Variants in ZNF121 observed in about 807,000 individuals in gnomAD.
The protein encoded by ZNF121 is zinc finger protein 121 (clone ZHC32).
Under a neutral mutation model 2.4 loss-of-function variants are expected in ZNF121, and 1 was observed. The observed-to-expected ratio is 0.41, with a 90% CI of 0.15 to 1.94. ZNF121 has a LOEUF of 1.94. ZNF121 is among the 30% of genes most tolerant of loss of function. ZNF121 has a pLI of 0.30. For missense variants in ZNF121, 369 were observed against 466.3 expected, an observed-to-expected ratio of 0.79 and a Z score of 1.92; for synonymous variants, 173 against 158.6, an observed-to-expected ratio of 1.09 and a Z score of -0.68.
intron 1 of ZNF121, among the ~76,000 whole-genome samples, chr19:9,573,117 T>C (rs923249480): frequency 6.6e-6 from 1 of 152,202 alleles, no homozygotes; most frequent in Non-Finnish European, 1.5e-5. Context: ...CAGACACAGA[T>C]GTACATCCAC....
In ZNF121 at chr19:9,566,928, G is replaced by C. The variant is rs2074137673; in HGVS notation, c.185C>G (p.Ser62Cys). 6.2e-7 allele frequency: 1 copy of C among 1,614,182 alleles called. No individual in the cohort carries two copies. Among genetic ancestry groups the C allele is most frequent in the Non-Finnish European group, 8.5e-7 (1 of 1,180,024 alleles). The change falls in exon 4 of 4, where the codon TCT becomes TGT. Residue 62 changes from serine (S) to cysteine (C), a missense_variant. Around this residue, in one of 4 missense-constraint regions of ZNF121, gnomAD observed 168 missense variants for 162.3 expected, o/e 1.03. Coordinates refer to ENST00000320451, the MANE Select transcript of ZNF121 (RefSeq NM_001008727.5). ...GGCTTTTCTGCACTGATTCAACACA[G>C]AAAGTGTCTCTCCAGCAGGGGCACT... ...HNSAPAGETL[S>C]VLNQCRKAFS... is the part of the protein sequence containing the mutation.
Position 9,562,522 on chromosome 19 carries a change from T to C in ZNF121, c.*3418A>G. 5.2e-6 allele frequency: 1 copy of C among 191,462 alleles called. No individual in the cohort carries two copies. The highest frequency in any genetic ancestry group is 5.3e-5 in the Admixed American group (1 of 18,776). The allele number at this position is 191,462 out of a possible 1,614,324, so 11.9% of individuals were successfully genotyped here. ...TTTTGGGGTACCACAAACCACAACC[T>C]TCGAAGACAGCAAACTTAACAAATG... On this transcript the variant is annotated 3_prime_UTR_variant, in exon 4 of 4. Transcript: ENST00000320451.
chr19:9,582,721 C>T (rs1010660645), intron 1 of ZNF121, among the ~76,000 whole-genome samples: 3 of 150,044 alleles, frequency 2.0e-5, no homozygotes, highest in Non-Finnish European at 4.4e-5. Flanking sequence ...TGCACCCCGA[C>T]CCGGGTAGCA....
Position 9,560,963 on chromosome 19 carries a change from G to A in ZNF121, c.*4977C>T, listed in dbSNP as rs1334558846. ...TTGATTTTTAAAAAGAGTGGTATGAGTTATCAATTCTGAGAGTAGCTTATA... is the reference window on the plus strand; with the variant it reads ...TTGATTTTTAAAAAGAGTGGTATGAATTATCAATTCTGAGAGTAGCTTATA... On this transcript the variant is annotated 3_prime_UTR_variant, in exon 4 of 4. Coordinates refer to ENST00000320451, the MANE Select transcript of ZNF121 (RefSeq NM_001008727.5). 6.6e-6 allele frequency: 1 copy of A among 152,152 alleles called. No homozygotes were observed. The highest frequency in any genetic ancestry group is 2.4e-5 in the African/African-American group (1 of 41,428). The allele number at this position is 152,152 out of a possible 1,614,324, so 9.4% of individuals were successfully genotyped here. A position where few individuals can be genotyped will look rare whatever the true frequency, so the allele number is the denominator to read the frequency against.
At chr19:9,569,829 G>A (rs2074160212) in intron 1 of ZNF121, among the ~76,000 whole-genome samples, 1 of 146,724 alleles carries the variant, frequency 6.8e-6, no homozygotes, top group South Asian at 2.1e-4. Flanking sequence ...CACCACGCCT[G>A]GCCGAGATCT....
At position 9,568,164 on chromosome 19, in the gene ZNF121, T is replaced by A; in HGVS notation, c.-67A>T. 1 of 1,470,362 alleles carries A rather than the reference T, an allele frequency of 6.8e-7. No individual in the cohort carries two copies. Among genetic ancestry groups the A allele is most frequent in the Non-Finnish European group, 9.2e-7 (1 of 1,090,506 alleles). 91.1% of individuals were successfully genotyped at this position (1,470,362 alleles called of 1,614,324 possible). On this transcript the variant is annotated 5_prime_UTR_variant, in exon 3 of 4. The change abolishes the stop of an existing upstream ORF in the 5' untranslated region. Transcript: ENST00000320451. ...TGTTGAGGTGCTGACACTTTGGTTTTAACTTGCCATTCTGAAGTAAAACAG... is the reference window on the plus strand; with the variant it reads ...TGTTGAGGTGCTGACACTTTGGTTTAAACTTGCCATTCTGAAGTAAAACAG...
intron 3 of ZNF121, 28 bp from the exon 4 acceptor site, chr19:9,567,137 A>C (rs775247347): frequency 1.9e-5 from 30 of 1,553,512 alleles, no homozygotes; most frequent in Admixed American, 3.8e-5. Flanking sequence ...AATGATGATT[A>C]AAGGATTTTT....
intron 1 of ZNF121, among the ~76,000 whole-genome samples, chr19:9,570,900 G>A (rs961555931): frequency 7.2e-5 from 11 of 152,140 alleles, no homozygotes; most frequent in African/African-American, 1.7e-4. Context: ...GCTTTCAATC[G>A]AGATGAAGGG....
intron 1 of ZNF121, among the ~76,000 whole-genome samples, chr19:9,577,384 A>G (rs2074218350): frequency 6.6e-6 from 1 of 152,050 alleles, no homozygotes; most frequent in Non-Finnish European, 1.5e-5. Context: ...CGGGAGGCGG[A>G]GGTTGCCGTG....
At position 9,566,338 on chromosome 19, in the gene ZNF121, T is replaced by G. The variant is rs780980002; in HGVS notation, c.775A>C (p.Lys259Gln). Residue 259 changes from lysine to glutamine, a missense_variant, in exon 4 of 4, where the codon AAG becomes CAG. Physicochemically the swap from Lys to Gln is moderately conservative, Grantham distance 53. This residue lies in a region of ZNF121 where 127 missense variants were observed against 169.9 expected (regional missense o/e 0.75). Coordinates refer to ENST00000320451, the MANE Select transcript of ZNF121 (RefSeq NM_001008727.5). ...CTTCTGAAGGATTTTCCACATACCT[T>G]ACATTCAAAGGGCTTCTCCTCTGTG... Reference protein sequence around the residue: ...THTEEKPFECKVCGKSFRSSS... With the variant: ...THTEEKPFECQVCGKSFRSSS... 3 of 1,614,028 alleles carry G rather than the reference T, an allele frequency of 1.9e-6. No individual in the cohort carries two copies. In the East Asian group the frequency reaches 6.7e-5, roughly 36 times the overall value.
chr19:9,581,347 T>A (rs1366335973), intron 1 of ZNF121, among the ~76,000 whole-genome samples: 1 of 151,468 alleles, frequency 6.6e-6, no homozygotes, highest in Non-Finnish European at 1.5e-5. Flanking sequence ...GGTCGTACAA[T>A]CTAAACTAAT....
intron 1 of ZNF121, among the ~76,000 whole-genome samples, chr19:9,583,918 A>G (rs1022390944): frequency 1.3e-5 from 2 of 152,250 alleles, no homozygotes; most frequent in Non-Finnish European, 2.9e-5. Flanking sequence ...ATTTACATGC[A>G]GATATAGGCA....
Position 9,560,532 on chromosome 19 carries a change from T to C in ZNF121, c.*5408A>G, listed in dbSNP as rs773691275. 4.6e-5 allele frequency: 7 copies of C among 152,220 alleles called. No homozygotes were observed. Among genetic ancestry groups the C allele is most frequent in the Non-Finnish European group, 7.3e-5 (5 of 68,042 alleles). The allele number at this position is 152,220 out of a possible 1,614,324, so 9.4% of individuals were successfully genotyped here. ...CACCAGCTTGTGGCAAATACCGCAG[T>C]ACTTTGTTCTTCTGAGTTTGACGTT... On this transcript the variant is annotated 3_prime_UTR_variant, in exon 4 of 4. Coordinates refer to ENST00000320451, the MANE Select transcript of ZNF121 (RefSeq NM_001008727.5).
Position 9,560,941 on chromosome 19 carries a change from A to G in ZNF121, c.*4999T>C, listed in dbSNP as rs1436369013. ...ATAAAAACTGAATTCTGGTTAGTTGATTTTTAAAAAGAGTGGTATGAGTTA... is the reference window on the plus strand; with the variant it reads ...ATAAAAACTGAATTCTGGTTAGTTGGTTTTTAAAAAGAGTGGTATGAGTTA... On this transcript the variant is annotated 3_prime_UTR_variant, in exon 4 of 4. Transcript: ENST00000320451. 6.6e-6 allele frequency: 1 copy of G among 152,082 alleles called. No individual in the cohort carries two copies. The highest frequency in any genetic ancestry group is 1.5e-5 in the Non-Finnish European group (1 of 67,940). The allele number at this position is 152,082 out of a possible 1,614,324, so 9.4% of individuals were successfully genotyped here.
rs927626846 is a variant in ZNF121 at position 9,562,054 on chromosome 19, C to A, written c.*3886G>T. 5.9e-5 allele frequency: 9 copies of A among 152,068 alleles called. No individual in the cohort carries two copies. Among genetic ancestry groups the A allele is most frequent in the Admixed American group, 3.3e-4 (5 of 15,256 alleles). 9.4% of individuals were successfully genotyped at this position (152,068 alleles called of 1,614,324 possible). On this transcript the variant is annotated 3_prime_UTR_variant, in exon 4 of 4. Coordinates refer to ENST00000320451, the MANE Select transcript of ZNF121 (RefSeq NM_001008727.5). ...AATGTCATGTCGAATAAATCTATAA[C>A]ACCATTTTTTCCAACAGCATGTGCT...
At chr19:9,571,974 A>T (rs2074177472) in intron 1 of ZNF121, among the ~76,000 whole-genome samples, 1 of 152,082 alleles carries the variant, frequency 6.6e-6, no homozygotes. Context: ...TACGTTGCCC[A>T]GGCTAGTCTC....
intron 3 of ZNF121, chr19:9,567,811 G>A (rs2074144319): frequency 1.3e-5 from 4 of 299,634 alleles, no homozygotes; most frequent in African/African-American, 8.4e-5. Flanking sequence ...TATGACAATC[G>A]AATGCTGCTA....
At chr19:9,573,155 G>C (rs911276102) in intron 1 of ZNF121, among the ~76,000 whole-genome samples, 10 of 152,136 alleles carry the variant, frequency 6.6e-5, no homozygotes, top group Non-Finnish European at 1.2e-4. Flanking sequence ...GGGGAACCAC[G>C]ACCTCCTAAA....
At chr19:9,578,507 T>C (rs1328539834) in intron 1 of ZNF121, among the ~76,000 whole-genome samples, 4 of 151,812 alleles carry the variant, frequency 2.6e-5, no homozygotes, top group Non-Finnish European at 4.4e-5. Flanking sequence ...AACAAACACA[T>C]AGATCTATGG....
Sources: gnomAD v4.1 joint callset for allele counts (sites outside exome capture counted in the v4.1 genomes callset) on GRCh38, gnomAD v4.1.1 for gene constraint, gnomAD v4.1.1 regional missense constraint, MANE v1.5 for transcripts, NCBI Gene and HGNC (gene_info 2026-07-23, HGNC 2026-07-21) for gene names.